NAALADL2: variants seen among roughly 807,000 people sequenced by gnomAD.
NAALADL2 encodes the protein inactive N-acetylated-alpha-linked acidic dipeptidase-like protein 2.
In NAALADL2, 76 loss-of-function variants were observed where a neutral mutation model predicts 87.2. The observed-to-expected ratio is 0.87, with a 90% confidence interval of 0.72 to 1.05. The LOEUF is 1.05. Ranked by LOEUF, NAALADL2 falls within the 50% of genes least tolerant of loss-of-function variation. The pLI is 0.00. For missense variants in NAALADL2, 1,089 were observed against 945.8 expected (o/e 1.15, Z -1.99); for synonymous variants, 354 against 331.0 (o/e 1.07, Z -0.75).
intron 1 of NAALADL2, among the ~76,000 whole-genome samples, chr3:174,510,050 A>G (rs1719498703): frequency 6.6e-6 from 1 of 152,142 alleles, no homozygotes; most frequent in Middle Eastern, 3.4e-3. Flanking sequence ...ATTACATAAT[A>G]TATTTTTTGA....
intron 2 of NAALADL2, among the ~76,000 whole-genome samples, chr3:174,733,170 G>C (rs1036338145): frequency 1.9e-4 from 29 of 152,106 alleles, no homozygotes; most frequent in Non-Finnish European, 1.5e-5. Context: ...ACACTTAAGT[G>C]AGATAATCAT....
intron 1 of NAALADL2, among the ~76,000 whole-genome samples, chr3:175,040,526 C>T (rs1753944323): frequency 6.6e-6 from 1 of 152,140 alleles, no homozygotes; most frequent in Admixed American, 6.6e-5. Context: ...CAGACTAATA[C>T]CCAGAAGACT....
chr3:174,919,941 T>G (rs559367941), intron 1 of NAALADL2, among the ~76,000 whole-genome samples: 1 of 152,188 alleles, frequency 6.6e-6, no homozygotes, highest in Non-Finnish European at 1.5e-5. Flanking sequence ...GGTGACCAGA[T>G]GCATCGTCAA....
intron 4 of NAALADL2, 131 bp from the exon 5 acceptor site, chr3:175,324,044 G>GAAAAAAAAAAAAAAAA: frequency 2.3e-6 from 1 of 444,024 alleles, no homozygotes; most frequent in Non-Finnish European, 3.7e-6. Flanking sequence ...AAAAAAAAAA[G>GAAAAAAAAAAAAAAAA]AAAAAGAAAA....
chr3:175,170,135 C>T (rs1203523490), intron 2 of NAALADL2, among the ~76,000 whole-genome samples: 1 of 151,648 alleles, frequency 6.6e-6, no homozygotes, highest in Non-Finnish European at 1.5e-5. Context: ...GAAATGAATT[C>T]CTAATTCCCA....
intron 2 of NAALADL2, among the ~76,000 whole-genome samples, chr3:175,152,942 A>T (rs2108792708): frequency 6.6e-6 from 1 of 152,134 alleles, no homozygotes; most frequent in South Asian, 2.1e-4. Flanking sequence ...GTATCTAAAT[A>T]TGTTCCCAAT....
intron 11 of NAALADL2, among the ~76,000 whole-genome samples, chr3:175,637,302 G>A (rs146468467): frequency 6.6e-6 from 1 of 152,294 alleles, no homozygotes; most frequent in East Asian, 1.9e-4. Context: ...TTTTATTTCA[G>A]CCATAGTTTA....
chr3:174,528,893 C>G (rs991685426), intron 1 of NAALADL2, among the ~76,000 whole-genome samples: 2 of 152,102 alleles, frequency 1.3e-5, no homozygotes, highest in Admixed American at 1.3e-4. Flanking sequence ...TCCCACAATA[C>G]ATAGGAATTC....
At chr3:175,225,459 T>C (rs1744015601) in intron 2 of NAALADL2, among the ~76,000 whole-genome samples, 1 of 152,156 alleles carries the variant, frequency 6.6e-6, no homozygotes, top group Non-Finnish European at 1.5e-5. Flanking sequence ...GACTACTACC[T>C]GTCTTTTAAA....
chr3:174,634,866 T>A (rs188192686), intron 2 of NAALADL2, among the ~76,000 whole-genome samples: 1 of 152,308 alleles, frequency 6.6e-6, no homozygotes, highest in Admixed American at 6.5e-5. Context: ...ATGACAATGT[T>A]TATAATAGTG....
In NAALADL2 at chr3:175,097,144, C is replaced by T. The variant is rs1029179737; in HGVS notation, c.398C>T (p.Thr133Ile). The T allele has an allele frequency of 3.1e-6, 5 of 1,613,658 alleles. No homozygotes were observed. Among genetic ancestry groups the T allele is most frequent in the Non-Finnish European group, 4.2e-6 (5 of 1,179,738 alleles). Reference protein sequence around the residue: ...CHVLKILCTATILFIFGILIG... With the variant: ...CHVLKILCTAIILFIFGILIG... ...GTCTTAAAAATACTTTGCACAGCCA[C>T]CATTTTATTTATTTTTGGGATTTTG... The change falls in exon 2 of 14, where the codon ACC becomes ATC. Residue 133 changes from threonine to isoleucine, a missense_variant. Coordinates refer to ENST00000454872, the MANE Select transcript of NAALADL2 (RefSeq NM_207015.3).
chr3:175,067,898 A>G (rs1714838501), intron 1 of NAALADL2, among the ~76,000 whole-genome samples: 1 of 152,158 alleles, frequency 6.6e-6, no homozygotes, highest in African/African-American at 2.4e-5. Context: ...ACCATGAAAT[A>G]CAATGCAGCT....
chr3:174,997,548 G>A (rs1370576742), intron 1 of NAALADL2, among the ~76,000 whole-genome samples: 1 of 152,122 alleles, frequency 6.6e-6, no homozygotes, highest in Non-Finnish European at 1.5e-5. Context: ...AGAGGGGCCG[G>A]GCACGGTGGC....
intron 3 of NAALADL2, among the ~76,000 whole-genome samples, chr3:175,236,855 C>G (rs2109536060): frequency 6.6e-6 from 1 of 152,216 alleles, no homozygotes; most frequent in East Asian, 1.9e-4. Flanking sequence ...TGTTAATCAT[C>G]CCTTTTATTC....
rs1281526936 is a variant in NAALADL2 at position 175,809,143 on chromosome 3, C to T, written c.*5940C>T. On this transcript the variant is annotated 3_prime_UTR_variant, in exon 14 of 14. Coordinates refer to ENST00000454872, the MANE Select transcript of NAALADL2 (RefSeq NM_207015.3). ...AAAGTTAGAATAAAATGCTATTACT[C>T]TCTAAACAGAACTTTAGCATATCTG... The T allele has an allele frequency of 6.6e-6, 1 of 151,970 alleles. No individual in the cohort carries two copies. Among genetic ancestry groups the T allele is most frequent in the Non-Finnish European group, 1.5e-5 (1 of 67,952 alleles). The allele number at this position is 151,970 out of a possible 1,614,324, so 9.4% of individuals were successfully genotyped here.
intron 3 of NAALADL2, among the ~76,000 whole-genome samples, chr3:174,830,604 T>C (rs1265302804): frequency 1.3e-5 from 2 of 152,022 alleles, no homozygotes; most frequent in East Asian, 3.9e-4. Flanking sequence ...GGGCTCTTTT[T>C]TGGTTCCATA....
At chr3:175,113,013 G>GT (rs1183575548) in intron 2 of NAALADL2, among the ~76,000 whole-genome samples, 1 of 151,610 alleles carries the variant, frequency 6.6e-6, no homozygotes, top group African/African-American at 2.4e-5. Context: ...TAGGGTTGTT[G>GT]TGAGTGTGCC....
chr3:174,555,974 CGT>C (rs66968495), intron 2 of NAALADL2, among the ~76,000 whole-genome samples: 16,209 of 142,108 alleles, frequency 0.11, 908 homozygotes, highest in Non-Finnish European at 0.13. Context: ...CCTTATCCTC[CGT>C]GTGTGTGTGT....
intron 13 of NAALADL2, among the ~76,000 whole-genome samples, chr3:175,795,236 A>T (rs1189949723): frequency 6.6e-6 from 1 of 152,068 alleles, no homozygotes; most frequent in Non-Finnish European, 1.5e-5. Flanking sequence ...TCCATCTGTC[A>T]CTCTGTGAAC....
Sources: allele counts gnomAD v4.1 joint callset (sites outside exome capture counted in the v4.1 genomes callset), GRCh38; gene constraint gnomAD v4.1.1; transcripts MANE v1.5; gene names NCBI Gene and HGNC (gene_info 2026-07-23, HGNC 2026-07-21).